Variants in NAV1 observed in about 807,000 individuals in gnomAD.
NAV1 encodes pore membrane and/or filament interacting like protein 3.
Under a neutral mutation model 175.2 loss-of-function variants are expected in NAV1, and 18 were observed. The ratio of observed to expected loss-of-function variants is 0.10; its 90% CI spans 0.07 to 0.15. The LOEUF is 0.15. NAV1 is among the 10% of genes least tolerant of loss of function. The pLI is 1.00. For synonymous variants in NAV1, 897 were observed against 978.7 expected, an observed-to-expected ratio of 0.92 and a Z score of 1.56; for missense variants, 1,731 against 2,436.6, an observed-to-expected ratio of 0.71 and a Z score of 6.10.
chr1:201,750,771 C>T lies in NAV1; in HGVS notation c.1227-29650C>T, dbSNP rs1227351490. ...CAGAAAGGCAGGCAGGAATTTTTGGCCTGCCTGCCTTTCTGAGATCGGAGG... is the reference window on the plus strand; with the variant it reads ...CAGAAAGGCAGGCAGGAATTTTTGGTCTGCCTGCCTTTCTGAGATCGGAGG... On this transcript the variant is annotated intron_variant, in intron 3 of 29. Transcript: ENST00000367296. The surrounding 1 kb of genome is among the most constrained non-coding windows in gnomAD (Gnocchi z 4.1). Among the ~76,000 whole-genome samples, 1 of 151,896 alleles carries T rather than the reference C, an allele frequency of 6.6e-6. No individual in the cohort carries two copies. The highest frequency in any genetic ancestry group is 1.5e-5 in the Non-Finnish European group (1 of 67,964).
At chr1:201,672,591 T>C (rs911292843) in intron 1 of NAV1, among the ~76,000 whole-genome samples, 19 of 152,232 alleles carry the variant, frequency 1.2e-4, no homozygotes, top group African/African-American at 4.3e-4. Context: ...GCCAGGAACC[T>C]GAGGCAAAGA....
intron 2 of NAV1, among the ~76,000 whole-genome samples, chr1:201,610,253 A>AG (rs1222320006): frequency 6.6e-6 from 1 of 152,258 alleles, no homozygotes; most frequent in African/African-American, 2.4e-5. Flanking sequence ...CTAATTGAAA[A>AG]GGAACTGGGG....
At chr1:201,798,498 G>C (rs1207524583) in intron 15 of NAV1, 1 of 150,676 alleles carries the variant, frequency 6.6e-6, no homozygotes, top group Non-Finnish European at 1.5e-5. Flanking sequence ...TGTAGTCCTA[G>C]TTACTCCAGA....
intron 2 of NAV1, among the ~76,000 whole-genome samples, chr1:201,600,483 T>C (rs1382021501): frequency 6.6e-6 from 1 of 152,238 alleles, no homozygotes; most frequent in Non-Finnish European, 1.5e-5. Flanking sequence ...AAATACAGTC[T>C]ATACTTTAGT....
At chr1:201,691,132 G>C (rs1035986857) in intron 1 of NAV1, among the ~76,000 whole-genome samples, 1 of 152,110 alleles carries the variant, frequency 6.6e-6, no homozygotes, top group African/African-American at 2.4e-5. Context: ...TGCTATAGAG[G>C]GCTGTCCTGG....
chr1:201,601,876 C>T (rs1449315861), intron 2 of NAV1, among the ~76,000 whole-genome samples: 1 of 152,164 alleles, frequency 6.6e-6, no homozygotes, highest in Admixed American at 6.5e-5. Flanking sequence ...CCTAGCCCAG[C>T]ATCCCTTTCT....
At chr1:201,691,717 T>G (rs549412451) in intron 1 of NAV1, among the ~76,000 whole-genome samples, 12 of 152,292 alleles carry the variant, frequency 7.9e-5, no homozygotes, top group African/African-American at 2.9e-4. Context: ...TTTCTGGAGA[T>G]GCTTAAGAAA....
rs186813320 is a variant in NAV1, at chr1:201,746,049, A to G, written c.1226+27294A>G. 2.1e-3 allele frequency among the ~76,000 whole-genome samples: 310 copies of G among 151,016 alleles called. 1 individual carries two copies. The highest frequency in any genetic ancestry group is 3.4e-3 in the Middle Eastern group (1 of 292). ...TGCCGTGTTGTCCAGGCTGTTTTCT[A>G]ACTCCTGGGCTCAAGCAATCCACCC... On this transcript the variant is annotated intron_variant, in intron 3 of 29. Transcript: ENST00000367296.
chr1:201,656,383 T>C (rs34771275), intron 1 of NAV1, among the ~76,000 whole-genome samples: 386 of 152,338 alleles, frequency 2.5e-3, no homozygotes, highest in African/African-American at 7.0e-3. Flanking sequence ...TTGGTTCTTA[T>C]GGAATCTCAG....
At chr1:201,780,674 A>T in intron 4 of NAV1, 115 bp downstream of exon 8, 1 of 1,401,264 alleles carries the variant, frequency 7.1e-7, no homozygotes, top group East Asian at 2.3e-5. Context: ...TGGTTCTCAT[A>T]GGCCTTTGGC....
chr1:201,707,822 T>C (rs972454787), intron 1 of NAV1, among the ~76,000 whole-genome samples: 4 of 152,232 alleles, frequency 2.6e-5, no homozygotes, highest in African/African-American at 7.2e-5. Context: ...GTCTGCAGAA[T>C]TGCAGAGTTT....
exon 25 of NAV1, chr1:201,811,665 T>C (rs773589048): frequency 2.3e-5 from 37 of 1,614,058 alleles, no homozygotes; most frequent in Non-Finnish European, 3.1e-5. Context: ...GAATTGGGGA[T>C]GTGCCCCTGG....
At chr1:201,562,682 G>T (rs185734060) in intron 1 of NAV1, among the ~76,000 whole-genome samples, 1 of 152,344 alleles carries the variant, frequency 6.6e-6, no homozygotes, top group East Asian at 1.9e-4. Context: ...ATATTAAGCA[G>T]GTCATTCTAG....
chr1:201,677,280 C>T (rs1049581062), intron 1 of NAV1, among the ~76,000 whole-genome samples: 21 of 148,326 alleles, frequency 1.4e-4, no homozygotes, highest in South Asian at 2.1e-4. Context: ...GAATTGCTGG[C>T]GGCTGGCATC....
At chr1:201,702,408 C>T (rs56089593) in intron 1 of NAV1, among the ~76,000 whole-genome samples, 353 of 151,934 alleles carry the variant, frequency 2.3e-3, no homozygotes, top group Non-Finnish European at 4.3e-3. Flanking sequence ...CTCTTGTTGC[C>T]CAGGCTGGAG....
chr1:201,580,345 T>C (rs1018166958), intron 1 of NAV1, among the ~76,000 whole-genome samples: 1 of 152,230 alleles, frequency 6.6e-6, no homozygotes, highest in Admixed American at 6.5e-5. Context: ...ACAATCACAG[T>C]ACTCCAGCTT....
intron 1 of NAV1, among the ~76,000 whole-genome samples, chr1:201,649,696 G>T (rs948423834): frequency 1.7e-4 from 26 of 152,340 alleles, no homozygotes; most frequent in Admixed American, 1.5e-3. Flanking sequence ...AATGGGATGG[G>T]GGGTGAGGGG....
At chr1:201,689,916 C>A (rs568187053) in intron 1 of NAV1, among the ~76,000 whole-genome samples, 1 of 152,082 alleles carries the variant, frequency 6.6e-6, no homozygotes, top group East Asian at 1.9e-4. Context: ...TCCTCCGTGG[C>A]CTGTCCGTGG....
intron 1 of NAV1, among the ~76,000 whole-genome samples, chr1:201,698,076 T>C (rs115452888): frequency 0.019 from 2,870 of 152,304 alleles, 94 homozygotes; most frequent in African/African-American, 0.066. Flanking sequence ...CTGTGGCCTC[T>C]CGTCGTCTGA....
Sources: gnomAD v4.1 joint callset for allele counts (sites outside exome capture counted in the v4.1 genomes callset) on GRCh38, gnomAD v4.1.1 for gene constraint, Gnocchi (gnomAD v3.1) non-coding constraint, MANE v1.5 for transcripts, NCBI Gene and HGNC (gene_info 2026-07-23, HGNC 2026-07-21) for gene names.